PWWP3B: variants seen among roughly 807,000 people sequenced by gnomAD.
PWWP3B encodes PWWP domain containing 3B.
PWWP3B carries 5 observed loss-of-function variants against 15.7 expected under a neutral mutation model. The ratio of observed to expected loss-of-function variants is 0.32; its 90% CI spans 0.17 to 0.67. The LOEUF (loss-of-function observed/expected upper bound fraction) is 0.67, where lower values mean the gene tolerates loss of function less well. Ranked by LOEUF, PWWP3B falls within the 30% of genes least tolerant of loss-of-function variation. PWWP3B has a pLI of 0.74. For synonymous variants in PWWP3B, 203 were observed against 179.8 expected, an observed-to-expected ratio of 1.13 and a Z score of -1.03; for missense variants, 519 against 493.1, an observed-to-expected ratio of 1.05 and a Z score of -0.50.
chrX:106,176,084 A>G (rs1921884231), intron 2 of PWWP3B, among the ~76,000 whole-genome samples: 1 of 110,583 alleles, frequency 9.0e-6, no homozygotes, highest in Non-Finnish European at 1.9e-5. Context: ...GGGCTTATAT[A>G]TTAACTATTA....
chrX:106,190,927 A>G (rs950122169), intron 2 of PWWP3B, among the ~76,000 whole-genome samples: 7 of 111,437 alleles, frequency 6.3e-5, no homozygotes, highest in Admixed American at 1.9e-4. Context: ...TACCAGTACC[A>G]TGCTGTTTTG....
chrX:106,206,946 C>G lies in PWWP3B; in HGVS notation c.1514C>G (p.Thr505Arg). Residue 505 changes from threonine to arginine, a missense_variant, in exon 4 of 4, where the codon ACA (threonine) becomes AGA (arginine). Coordinates refer to ENST00000357175, the MANE Select transcript of PWWP3B (RefSeq NM_001171020.2). ...ADISYPVRKE[T>R]KQDTFRNKFP... is the part of the protein sequence containing the mutation. ...ATTAGTTACCCAGTTAGGAAAGAAA[C>G]AAAACAGGATACTTTCAGGAACAAA... 8.3e-7 allele frequency: 1 copy of G among 1,211,079 alleles called. No individual in the cohort carries two copies. Among genetic ancestry groups the G allele is most frequent in the Non-Finnish European group, 1.1e-6 (1 of 895,316 alleles).
intron 2 of PWWP3B, among the ~76,000 whole-genome samples, chrX:106,178,311 A>G (rs751731946): frequency 1.8e-5 from 2 of 112,547 alleles, no homozygotes; most frequent in Non-Finnish European, 3.7e-5. Flanking sequence ...ACTATGGTGC[A>G]TCCATACAAT....
chrX:106,194,098 A>G (rs1923202107), intron 2 of PWWP3B, among the ~76,000 whole-genome samples: 1 of 111,401 alleles, frequency 9.0e-6, no homozygotes, highest in South Asian at 3.8e-4. Flanking sequence ...GCCTTGCTAG[A>G]TTGGGGAAGT....
At chrX:106,193,746 A>T (rs1425188335) in intron 2 of PWWP3B, among the ~76,000 whole-genome samples, 1 of 111,593 alleles carries the variant, frequency 9.0e-6, no homozygotes, top group Non-Finnish European at 1.9e-5. Flanking sequence ...TGGTGACAAA[A>T]TCTCCCAGCA....
At chrX:106,172,523 T>C (rs1921675332) in intron 2 of PWWP3B, among the ~76,000 whole-genome samples, 1 of 110,312 alleles carries the variant, frequency 9.1e-6, no homozygotes, top group Non-Finnish European at 1.9e-5. Context: ...AGCCTAGGCC[T>C]ACACAGGGTC....
intron 2 of PWWP3B, among the ~76,000 whole-genome samples, chrX:106,200,619 A>G (rs1290852897): frequency 8.9e-6 from 1 of 111,920 alleles, no homozygotes. Flanking sequence ...TCAGAAATCT[A>G]TACTTAAATT....
chrX:106,182,903 C>T (rs1187040136), intron 2 of PWWP3B, among the ~76,000 whole-genome samples: 4 of 111,410 alleles, frequency 3.6e-5, no homozygotes, highest in African/African-American at 1.3e-4. Flanking sequence ...TCCTCAGGAT[C>T]AGCAGGAGGA....
At chrX:106,194,304 C>G (rs1416252565) in intron 2 of PWWP3B, among the ~76,000 whole-genome samples, 1 of 111,880 alleles carries the variant, frequency 8.9e-6, no homozygotes, top group Non-Finnish European at 1.9e-5. Context: ...TCTTCCATCG[C>G]TGATACCCTT....
At chrX:106,191,754 T>C (rs750801064) in intron 2 of PWWP3B, among the ~76,000 whole-genome samples, 36 of 111,049 alleles carry the variant, frequency 3.2e-4, no homozygotes, top group African/African-American at 1.2e-3. Flanking sequence ...GCATGAAGGG[T>C]TGTTGAATTT....
intron 2 of PWWP3B, among the ~76,000 whole-genome samples, chrX:106,196,904 T>C (rs1923411456): frequency 8.9e-6 from 1 of 111,871 alleles, no homozygotes; most frequent in Non-Finnish European, 1.9e-5. Flanking sequence ...TGCTACAAGA[T>C]TTTTTTCAAC....
intron 2 of PWWP3B, among the ~76,000 whole-genome samples, chrX:106,175,085 C>T (rs193095887): frequency 9.3e-6 from 1 of 107,323 alleles, no homozygotes; most frequent in Non-Finnish European, 1.9e-5. Context: ...CATGAAAATA[C>T]TTTTTAATTT....
intron 1 of PWWP3B, among the ~76,000 whole-genome samples, chrX:106,169,763 A>T (rs1257900124): frequency 8.9e-6 from 1 of 112,522 alleles, no homozygotes. Context: ...AAAAGGAATG[A>T]GTTAACTCTA....
At chrX:106,191,173 A>G (rs1922926870) in intron 2 of PWWP3B, among the ~76,000 whole-genome samples, 1 of 110,907 alleles carries the variant, frequency 9.0e-6, no homozygotes. Context: ...CTTCCTACCC[A>G]TGAGCATGGA....
chrX:106,198,840 A>G (rs1381629892), intron 2 of PWWP3B, among the ~76,000 whole-genome samples: 1 of 110,782 alleles, frequency 9.0e-6, no homozygotes, highest in Non-Finnish European at 1.9e-5. Context: ...TAATTATCAT[A>G]CTCTGTGGGC....
rs780058843 is a variant in PWWP3B at position 106,206,249 on chromosome X, T to C, written c.817T>C (p.Ser273Pro). 1 of 1,206,846 alleles carries C rather than the reference T, an allele frequency of 8.3e-7. No individual in the cohort carries two copies. The highest frequency in any genetic ancestry group is 1.1e-6 in the Non-Finnish European group (1 of 892,702). ...LETLAVPSECSAFSENIEDPG... is the reference protein window; with the variant it reads ...LETLAVPSECPAFSENIEDPG... Reference sequence around the variant, plus strand: ...GACCCTGGCTGTTCCCTCTGAATGCTCTGCTTTCTCAGAGAATATTGAGGA... The same window carrying C: ...GACCCTGGCTGTTCCCTCTGAATGCCCTGCTTTCTCAGAGAATATTGAGGA... Residue 273 changes from serine (S) to proline (P), a missense_variant, in exon 4 of 4, where the codon TCT becomes CCT. Physicochemically the swap from Ser to Pro is moderately conservative, Grantham distance 74. Coordinates refer to ENST00000357175, the MANE Select transcript of PWWP3B (RefSeq NM_001171020.2).
intron 2 of PWWP3B, among the ~76,000 whole-genome samples, chrX:106,203,435 C>G (rs5962321): frequency 9.0e-6 from 1 of 111,666 alleles, no homozygotes; most frequent in Non-Finnish European, 1.9e-5. Flanking sequence ...AGGATGGAAA[C>G]TACATCTGAT....
chrX:106,191,358 A>G (rs1230161914), intron 2 of PWWP3B, among the ~76,000 whole-genome samples: 1 of 111,346 alleles, frequency 9.0e-6, no homozygotes, highest in Non-Finnish European at 1.9e-5. Flanking sequence ...TTATTGGTGT[A>G]TAAGAATGCT....
chrX:106,190,155 C>A (rs1224756280), intron 2 of PWWP3B, among the ~76,000 whole-genome samples: 1 of 111,374 alleles, frequency 9.0e-6, no homozygotes, highest in East Asian at 2.8e-4. Context: ...TTGACAGTCC[C>A]ACCAACAGTG....
Sources: gnomAD v4.1 joint callset for allele counts (sites outside exome capture counted in the v4.1 genomes callset) on GRCh38, gnomAD v4.1.1 for gene constraint, MANE v1.5 for transcripts, NCBI Gene and HGNC (gene_info 2026-07-23, HGNC 2026-07-21) for gene names.